AFF2: variants seen among roughly 807,000 people sequenced by gnomAD.
AFF2 encodes ALF transcription elongation factor 2.
AFF2 carries 14 observed loss-of-function variants against 76.9 expected under a neutral mutation model. The ratio of observed to expected loss-of-function variants is 0.18; its 90% CI spans 0.12 to 0.28. The LOEUF (loss-of-function observed/expected upper bound fraction) is 0.28, where lower values mean the gene tolerates loss of function less well. Ranked by LOEUF, AFF2 falls within the 10% of genes least tolerant of loss-of-function variation. The probability of loss-of-function intolerance (pLI) is 1.00; values close to 1 mark genes in which losing one functional copy is unlikely to be tolerated. For missense variants in AFF2, 868 were observed against 1,001.1 expected, an observed-to-expected ratio of 0.87 and a Z score of 1.79; for synonymous variants, 398 against 366.7, an observed-to-expected ratio of 1.09 and a Z score of -0.98.
intron 4 of AFF2, among the ~76,000 whole-genome samples, chrX:148,827,066 T>C (rs1432825343): frequency 1.8e-5 from 2 of 111,663 alleles, no homozygotes; most frequent in Non-Finnish European, 3.8e-5. Flanking sequence ...TTCTCTTTCC[T>C]GCCCCTGGCA....
intron 3 of AFF2, among the ~76,000 whole-genome samples, chrX:148,715,619 G>A (rs2055017518): frequency 9.0e-6 from 1 of 111,580 alleles, no homozygotes; most frequent in South Asian, 3.9e-4. Flanking sequence ...GAGAAACCAT[G>A]AGGTTTTAAT....
intron 1 of AFF2, among the ~76,000 whole-genome samples, chrX:148,553,164 C>A (rs1020232168): frequency 8.9e-6 from 1 of 111,851 alleles, no homozygotes; most frequent in East Asian, 2.8e-4. Flanking sequence ...ATAAAATATA[C>A]GGGTATTCAG....
intron 20 of AFF2, among the ~76,000 whole-genome samples, chrX:148,988,594 A>C (rs906451554): frequency 8.9e-6 from 1 of 112,145 alleles, no homozygotes; most frequent in Admixed American, 9.4e-5. Context: ...GGTGTAAAGC[A>C]CCTAGTATAA....
chrX:148,874,687 T>G (rs1264100841), intron 7 of AFF2, among the ~76,000 whole-genome samples: 1 of 112,099 alleles, frequency 8.9e-6, no homozygotes, highest in Non-Finnish European at 1.9e-5. Flanking sequence ...CAGAACAGTT[T>G]AGATAAGTGT....
chrX:148,706,250 C>G (rs1557262383), intron 3 of AFF2, among the ~76,000 whole-genome samples: 1 of 111,788 alleles, frequency 8.9e-6, no homozygotes, highest in Non-Finnish European at 1.9e-5. Context: ...ACAGTTCTTC[C>G]TGGGAAACTA....
chrX:148,660,345 T>G (rs1279597299), intron 2 of AFF2, among the ~76,000 whole-genome samples: 7 of 111,542 alleles, frequency 6.3e-5, no homozygotes, highest in African/African-American at 2.3e-4. Flanking sequence ...AGGTTGATGC[T>G]TGCCAGGGTT....
intron 4 of AFF2, among the ~76,000 whole-genome samples, chrX:148,835,641 TG>T (rs1569556042): frequency 3.7e-5 from 4 of 109,318 alleles, no homozygotes; most frequent in Non-Finnish European, 7.6e-5. Flanking sequence ...CGCACCACCA[TG>T]CCCAACTAAT....
At chrX:148,614,800 C>T (rs868908016) in intron 1 of AFF2, among the ~76,000 whole-genome samples, 2 of 84,597 alleles carry the variant, frequency 2.4e-5, no homozygotes, top group Non-Finnish European at 4.4e-5. Context: ...CTTCCTTTCT[C>T]TCTCTCTCTC....
intron 9 of AFF2, among the ~76,000 whole-genome samples, chrX:148,911,093 A>G (rs782169183): frequency 1.1e-3 from 119 of 107,228 alleles, no homozygotes; most frequent in African/African-American, 2.4e-3. Context: ...ATATATATAT[A>G]TGTGTATGTG....
chrX:148,742,548 A>G (rs2055368481), intron 3 of AFF2, among the ~76,000 whole-genome samples: 2 of 111,931 alleles, frequency 1.8e-5, no homozygotes. Flanking sequence ...AGCATGCTAT[A>G]GTGGAGTAAT....
Position 148,627,912 on chromosome X carries a change from G to A in AFF2, c.48-24087G>A, listed in dbSNP as rs930774933. On this transcript the variant is annotated intron_variant, in intron 1 of 20. Transcript: ENST00000370460. ...AGGGGGTATCACAGGTGTCTTTTAT[G>A]TAGATTTGGGTGTCTTTTGTGTAGA... Among the ~76,000 whole-genome samples, 6 of 112,086 alleles carry A rather than the reference G, an allele frequency of 5.4e-5. No homozygotes were observed. In the South Asian group the frequency reaches 2.2e-3, roughly 42 times the overall value.
chrX:148,940,811 TG>T (rs1240773745), intron 9 of AFF2, among the ~76,000 whole-genome samples: 1 of 111,679 alleles, frequency 9.0e-6, no homozygotes, highest in Non-Finnish European at 1.9e-5. Context: ...AAAGGCAAGT[TG>T]GGTACAATAT....
chrX:148,817,881 CT>C (rs2070284981), intron 4 of AFF2, among the ~76,000 whole-genome samples: 1 of 111,698 alleles, frequency 9.0e-6, no homozygotes, highest in African/African-American at 3.2e-5. Flanking sequence ...ACACAGTCAT[CT>C]TCATTTAGAT....
At chrX:148,623,384 G>A (rs1473273485) in intron 1 of AFF2, among the ~76,000 whole-genome samples, 1 of 110,514 alleles carries the variant, frequency 9.0e-6, no homozygotes, top group Non-Finnish European at 1.9e-5. Context: ...TGTGTGAATT[G>A]GTGTGCCTTA....
intron 1 of AFF2, among the ~76,000 whole-genome samples, chrX:148,625,223 G>A (rs1557251857): frequency 1.8e-5 from 2 of 111,168 alleles, no homozygotes; most frequent in Admixed American, 1.9e-4. Flanking sequence ...CCTGTCAATA[G>A]CTGTGAATAA....
intron 9 of AFF2, among the ~76,000 whole-genome samples, chrX:148,931,260 A>AG (rs2071710664): frequency 1.0e-5 from 1 of 99,342 alleles, no homozygotes; most frequent in African/African-American, 4.4e-5. Context: ...TCTCAAAAAA[A>AG]AAAAAAAAAA....
chrX:148,996,949 A>ACT lies in AFF2; in HGVS notation c.*5620_*5621dup. On this transcript the variant is annotated 3_prime_UTR_variant, in exon 21 of 21. Coordinates refer to ENST00000370460, the MANE Select transcript of AFF2 (RefSeq NM_002025.4). ...TAACTAGGATAAAGTATTTACGGGA[A>ACT]CTCTATGGAGAATAGCACAATCCAG... 8.9e-6 allele frequency: 1 copy of ACT among 111,863 alleles called. No homozygotes were observed. Among genetic ancestry groups the ACT allele is most frequent in the Non-Finnish European group, 1.9e-5 (1 of 53,088 alleles). 9.2% of individuals were successfully genotyped at this position (111,863 alleles called of 1,213,427 possible).
At chrX:148,809,283 C>A (rs906937983) in intron 3 of AFF2, among the ~76,000 whole-genome samples, 1 of 111,833 alleles carries the variant, frequency 8.9e-6, no homozygotes, top group Non-Finnish European at 1.9e-5. Flanking sequence ...ATGGAGTAAA[C>A]CCTCAGTACA....
chrX:148,663,676 C>T (rs1263474210), intron 3 of AFF2, among the ~76,000 whole-genome samples: 1 of 112,147 alleles, frequency 8.9e-6, no homozygotes, highest in Non-Finnish European at 1.9e-5. Flanking sequence ...ATTCCTGTCA[C>T]TGGTGACTAA....
Sources: allele counts gnomAD v4.1 joint callset (sites outside exome capture counted in the v4.1 genomes callset), GRCh38; gene constraint gnomAD v4.1.1; transcripts MANE v1.5; gene names NCBI Gene and HGNC (gene_info 2026-07-23, HGNC 2026-07-21).